Variants in ARHGAP35 observed in about 807,000 individuals in gnomAD.
The protein encoded by ARHGAP35 is Rho GTPase activating protein 35.
ARHGAP35 carries 15 observed loss-of-function variants against 111.1 expected under a neutral mutation model. The ratio of observed to expected loss-of-function variants is 0.13; its 90% CI spans 0.09 to 0.21. ARHGAP35 has a LOEUF of 0.21. ARHGAP35 is among the 10% of genes least tolerant of loss of function. The probability of loss-of-function intolerance (pLI) is 1.00; values close to 1 mark genes in which losing one functional copy is unlikely to be tolerated. For missense variants in ARHGAP35, 1,262 were observed against 1,873.0 expected, an observed-to-expected ratio of 0.67 and a Z score of 6.02; for synonymous variants, 643 against 710.3, an observed-to-expected ratio of 0.91 and a Z score of 1.51.
chr19:46,923,577 C>T (rs1207501510), intron 2 of ARHGAP35, among the ~76,000 whole-genome samples: 1 of 151,272 alleles, frequency 6.6e-6, no homozygotes, highest in East Asian at 1.9e-4. Flanking sequence ...GGGAGAAATA[C>T]TCTTCCCCCC....
intron 1 of ARHGAP35, among the ~76,000 whole-genome samples, chr19:46,874,728 C>T (rs1335149483): frequency 1.3e-5 from 2 of 150,460 alleles, no homozygotes; most frequent in African/African-American, 4.9e-5. Context: ...TGGTCTCGAA[C>T]TCCTGACCTC....
At chr19:46,952,925 A>G (rs1279762351) in intron 3 of ARHGAP35, among the ~76,000 whole-genome samples, 2 of 152,060 alleles carry the variant, frequency 1.3e-5, no homozygotes, top group East Asian at 3.9e-4. Context: ...TGATCTGCCC[A>G]CCTTGAGTGA....
rs763638547 is a variant in ARHGAP35, at chr19:46,922,102, C to T, written c.3427C>T (p.Leu1143=). 7.4e-6 allele frequency: 12 copies of T among 1,614,046 alleles called. No homozygotes were observed. The South Asian group carries it at 1.3e-4, about 18-fold the overall frequency. ...GSDSEMDTSS[L]ERGRKVSIVS... ...TGACAGTGAAATGGACACCAGCTCT[C>T]TAGAGCGAGGGCGCAAGGTTTCCAT... The change falls in exon 2 of 7, where the codon CTA becomes TTA. Residue 1143 remains leucine, a synonymous_variant. Transcript: ENST00000672722. The surrounding 1 kb of genome is among the most constrained non-coding windows in gnomAD (Gnocchi z 4.0).
chr19:46,980,973 C>T (rs961503631), intron 3 of ARHGAP35, among the ~76,000 whole-genome samples: 2 of 152,164 alleles, frequency 1.3e-5, no homozygotes, highest in African/African-American at 4.8e-5. Flanking sequence ...TGATTTTGAC[C>T]TAAATGCTCT....
intron 1 of ARHGAP35, among the ~76,000 whole-genome samples, chr19:46,896,462 A>G (rs1033839820): frequency 1.3e-5 from 2 of 152,366 alleles, no homozygotes; most frequent in Non-Finnish European, 1.5e-5. Context: ...TGTGGGAAAT[A>G]TATTATGAAG....
intron 3 of ARHGAP35, among the ~76,000 whole-genome samples, chr19:46,958,859 C>T (rs1441840938): frequency 2.0e-5 from 3 of 152,180 alleles, no homozygotes; most frequent in African/African-American, 7.2e-5. Context: ...CTCATTTGAC[C>T]TTTACAGCAT....
At chr19:46,914,110 G>A (rs965235684) in intron 1 of ARHGAP35, among the ~76,000 whole-genome samples, 9 of 152,222 alleles carry the variant, frequency 5.9e-5, no homozygotes, top group Non-Finnish European at 8.8e-5. Flanking sequence ...TTTGTTTACC[G>A]TGTAATTCAG....
At chr19:46,872,070 A>G (rs1035113447) in intron 1 of ARHGAP35, among the ~76,000 whole-genome samples, 105 of 152,300 alleles carry the variant, frequency 6.9e-4, no homozygotes, top group African/African-American at 2.5e-3. Context: ...TATGTTAACT[A>G]TATGAATGTT....
intron 3 of ARHGAP35, among the ~76,000 whole-genome samples, chr19:46,973,553 G>C (rs2056563189): frequency 6.6e-6 from 1 of 151,778 alleles, no homozygotes; most frequent in Non-Finnish European, 1.5e-5. Context: ...AGCCGGGTGT[G>C]GTGGCGGGGC....
In ARHGAP35 at chr19:46,921,803, C is replaced by T. The variant is rs1490794579; in HGVS notation, c.3128C>T (p.Pro1043Leu). ...AACAAAGTACCTCCGCCAGTCAAAC[C>T]AAAGCCTCCTGTCCATTTTGAAATT... ...LNNKVPPPVK[P>L]KPPVHFEITK... Residue 1043 changes from proline (P) to leucine (L), a missense_variant, in exon 2 of 7, where the codon CCA (proline) becomes CTA (leucine). This residue lies in a region of ARHGAP35 where 579 missense variants were observed against 716.9 expected (regional missense o/e 0.81). Transcript: ENST00000672722. This position sits in a 1 kb window ranked among gnomAD's most constrained non-coding sequence, Gnocchi z 4.3. 6.2e-7 allele frequency: 1 copy of T among 1,613,852 alleles called. No homozygotes were observed. Among genetic ancestry groups the T allele is most frequent in the African/African-American group, 1.3e-5 (1 of 74,920 alleles).
Position 46,968,771 on chromosome 19 carries a change from A to T in ARHGAP35, c.3827-19218A>T, listed in dbSNP as rs541618347. Among the ~76,000 whole-genome samples the T allele has an allele frequency of 3.9e-5, 6 of 152,346 alleles. No individual in the cohort carries two copies. The South Asian group carries it at 1.2e-3, about 32-fold the overall frequency. On this transcript the variant is annotated intron_variant, in intron 3 of 6. Transcript: ENST00000672722. The stretch of plus-strand genomic sequence containing the variant: ...TCATTTACACAGAATTATCTAGAAT[A>T]GGCTAATCTATAAAGATAGAAAGTA...
Position 46,920,691 on chromosome 19 carries a change from C to G in ARHGAP35, c.2016C>G (p.Ser672=), listed in dbSNP as rs2056193539. The change falls in exon 2 of 7, where the codon TCC becomes TCG. Residue 672 remains serine (S), a synonymous_variant. Coordinates refer to ENST00000672722, the MANE Select transcript of ARHGAP35 (RefSeq NM_004491.5). The surrounding 1 kb of genome is among the most constrained non-coding windows in gnomAD (Gnocchi z 7.0). ...TTTACAATTCAAAGGAATCGCTATC[C>G]TATGTAGTGGAAAGTATAGAGAAGA... ...LCLYNSKESL[S]YVVESIEKSR... 1 of 1,613,908 alleles carries G rather than the reference C, an allele frequency of 6.2e-7. No individual in the cohort carries two copies. Among genetic ancestry groups the G allele is most frequent in the Non-Finnish European group, 8.5e-7 (1 of 1,179,880 alleles).
intron 1 of ARHGAP35, among the ~76,000 whole-genome samples, chr19:46,909,115 CAT>C (rs2056125141): frequency 6.6e-6 from 1 of 152,050 alleles, no homozygotes; most frequent in Non-Finnish European, 1.5e-5. Flanking sequence ...CCCTGGGTAA[CAT>C]AGTGAGACCT....
chr19:46,967,370 G>A (rs534560332), intron 3 of ARHGAP35, among the ~76,000 whole-genome samples: 1 of 152,248 alleles, frequency 6.6e-6, no homozygotes, highest in East Asian at 1.9e-4. Context: ...TGGGGAGGGG[G>A]TCTCTCCCTT....
chr19:46,966,563 T>G (rs2056516339), intron 3 of ARHGAP35, among the ~76,000 whole-genome samples: 1 of 152,074 alleles, frequency 6.6e-6, no homozygotes, highest in African/African-American at 2.4e-5. Flanking sequence ...CCCCAAAAAA[T>G]GCAATTGAAC....
At chr19:46,942,680 T>C (rs1328805343) in intron 3 of ARHGAP35, among the ~76,000 whole-genome samples, 1 of 151,584 alleles carries the variant, frequency 6.6e-6, no homozygotes, top group Non-Finnish European at 1.5e-5. Flanking sequence ...CCAGGCATAG[T>C]GGTGTGCACC....
At chr19:46,889,053 T>G (rs1355299947) in intron 1 of ARHGAP35, among the ~76,000 whole-genome samples, 2 of 151,842 alleles carry the variant, frequency 1.3e-5, no homozygotes, top group Admixed American at 1.3e-4. Flanking sequence ...GCATGGTGGC[T>G]CACACCTGTA....
chr19:46,987,960 C>G (rs1405966835), intron 3 of ARHGAP35, 29 bp from the exon 4 acceptor site: 5 of 1,610,470 alleles, frequency 3.1e-6, no homozygotes, highest in Non-Finnish European at 4.2e-6. Flanking sequence ...CCAGTTCCTG[C>G]TCCTAAGACC....
At chr19:46,930,732 T>C (rs1008122846) in intron 2 of ARHGAP35, among the ~76,000 whole-genome samples, 13 of 151,720 alleles carry the variant, frequency 8.6e-5, no homozygotes, top group Admixed American at 1.3e-4. Flanking sequence ...CCACAGAAGA[T>C]AGAATATTCT....
Sources: allele counts gnomAD v4.1 joint callset (sites outside exome capture counted in the v4.1 genomes callset), GRCh38; gene constraint gnomAD v4.1.1; regional missense constraint gnomAD v4.1.1; non-coding constraint Gnocchi (gnomAD v3.1); transcripts MANE v1.5; gene names NCBI Gene and HGNC (gene_info 2026-07-23, HGNC 2026-07-21).